DNAH5: variants seen among roughly 807,000 people sequenced by gnomAD.
DNAH5 encodes dynein axonemal heavy chain 5.
DNAH5 carries 372 observed loss-of-function variants against 518.2 expected under a neutral mutation model. That is an observed-to-expected ratio of 0.72 (90% CI 0.66 to 0.78). The LOEUF (loss-of-function observed/expected upper bound fraction) is 0.78, where lower values mean the gene tolerates loss of function less well. DNAH5 is among the 30% of genes least tolerant of loss of function. The pLI, the probability that DNAH5 is intolerant of heterozygous loss-of-function variation, is 0.00. For missense variants in DNAH5, 5,523 were observed against 5,687.0 expected, an observed-to-expected ratio of 0.97 and a Z score of 0.93; for synonymous variants, 2,039 against 2,025.9, an observed-to-expected ratio of 1.01 and a Z score of -0.17.
chr5:13,715,522 G>A (rs1036313476), intron 74 of DNAH5, among the ~76,000 whole-genome samples: 4 of 152,068 alleles, frequency 2.6e-5, no homozygotes, highest in African/African-American at 9.7e-5. Flanking sequence ...GTGCAGAGGC[G>A]GTAATATATG....
At chr5:13,945,089 G>A (rs960163008), upstream of DNAH5, among the ~76,000 whole-genome samples, 1 of 152,198 alleles carries the variant, frequency 6.6e-6, no homozygotes, top group Non-Finnish European at 1.5e-5. Context: ...TGTTTCATAT[G>A]CAAATAGCAA....
Position 13,776,690 on chromosome 5 carries a change from G to T in DNAH5, c.9122C>A (p.Ala3041Asp). The change falls in exon 55 of 79, where the codon GCT becomes GAT. Residue 3041 changes from alanine (A) to aspartate (D), a missense_variant. This residue lies in a region of DNAH5 where 5,121 missense variants were observed against 5,223.3 expected (regional missense o/e 0.98). Transcript: ENST00000265104. Reference sequence around the variant, plus strand: ...ATTAATTTCATCAATTTCATCTCGAGCAAATAGGTTAGAGACCTTAAAAAG... The same window carrying T: ...ATTAATTTCATCAATTTCATCTCGATCAAATAGGTTAGAGACCTTAAAAAG... ...LSSGEVSNLF[A>D]RDEIDEINSD... 1 of 1,613,614 alleles carries T rather than the reference G, an allele frequency of 6.2e-7. No homozygotes were observed. Among genetic ancestry groups the T allele is most frequent in the South Asian group, 1.1e-5 (1 of 91,074 alleles).
chr5:13,769,310 C>T (rs191857826), intron 57 of DNAH5, among the ~76,000 whole-genome samples, 174 bp from the exon 58 acceptor site: 8 of 147,532 alleles, frequency 5.4e-5, no homozygotes, highest in East Asian at 2.0e-4. Flanking sequence ...TGCAGTAGCG[C>T]GATCTTGGCT....
At chr5:13,737,625 T>C (rs969484050) in intron 65 of DNAH5, 130 bp from the exon 66 acceptor site, 5 of 1,034,004 alleles carry the variant, frequency 4.8e-6, no homozygotes, top group African/African-American at 1.6e-5. Flanking sequence ...GCAGGAAATA[T>C]GGACATCAAA....
intron 19 of DNAH5, 99 bp from the exon 20 acceptor site, chr5:13,883,193 T>A (rs377405582): frequency 1.1e-5 from 13 of 1,184,844 alleles, no homozygotes; most frequent in Middle Eastern, 2.2e-4. Context: ...ATAATAGGTA[T>A]AAAATCTAAT....
At chr5:13,943,059 C>T (rs1408114073) in intron 1 of DNAH5, among the ~76,000 whole-genome samples, 1 of 152,046 alleles carries the variant, frequency 6.6e-6, no homozygotes, top group Non-Finnish European at 1.5e-5. Context: ...ATAATTGAAA[C>T]CTCCAAAAGA....
At chr5:13,888,964 G>T (rs1480684768) in intron 17 of DNAH5, among the ~76,000 whole-genome samples, 1 of 152,130 alleles carries the variant, frequency 6.6e-6, no homozygotes, top group Non-Finnish European at 1.5e-5. Context: ...TATTCTGAAG[G>T]CACCATTAAA....
At chr5:13,863,914 T>C (rs1220496672) in intron 28 of DNAH5, among the ~76,000 whole-genome samples, 1 of 152,156 alleles carries the variant, frequency 6.6e-6, no homozygotes, top group Non-Finnish European at 1.5e-5. Flanking sequence ...TTCTTCTGGT[T>C]CCTCAAACAC....
intron 21 of DNAH5, among the ~76,000 whole-genome samples, chr5:13,880,905 CA>C (rs911938290): frequency 4.6e-5 from 7 of 151,576 alleles, no homozygotes; most frequent in South Asian, 2.1e-4. Context: ...TAAAAGACCA[CA>C]AAAAAAGACC....
At chr5:13,958,546 C>T (rs1780935920) in intron 1 of DNAH5, among the ~76,000 whole-genome samples, 1 of 152,086 alleles carries the variant, frequency 6.6e-6, no homozygotes, top group Non-Finnish European at 1.5e-5. Flanking sequence ...GGAATAGGTG[C>T]CTCAATATTA....
At chr5:13,860,105 G>A (rs1028124785) in intron 29 of DNAH5, among the ~76,000 whole-genome samples, 9 of 151,928 alleles carry the variant, frequency 5.9e-5, no homozygotes, top group Admixed American at 2.0e-4. Context: ...AACTTCCCAC[G>A]CACCTGTGTC....
At position 13,900,236 on chromosome 5, in the gene DNAH5, A is replaced by G. The variant is rs1445823; in HGVS notation, c.2229T>C (p.Asp743=). The G allele has an allele frequency of 0.47, 762,775 of 1,613,110 alleles. 186,553 individuals carry two copies. Among genetic ancestry groups the G allele is most frequent in the East Asian group, 0.87 (39,038 of 44,884 alleles). Residue 743 remains aspartate (D), a synonymous_variant, in exon 15 of 79, where the codon GAT becomes GAC. Coordinates refer to ENST00000265104, the MANE Select transcript of DNAH5 (RefSeq NM_001369.3). Reference sequence around the variant, plus strand: ...TGTTACTGAAGTTCCTTTTGTATCTATCTCGTTTCTGGAAGAGGGAAGTTG... The same window carrying G: ...TGTTACTGAAGTTCCTTTTGTATCTGTCTCGTTTCTGGAAGAGGGAAGTTG... ...PLATSLFQKR[D]RYKRNFSNMK... is the part of the protein sequence containing the mutation.
At chr5:13,735,689 T>G (rs552178646) in intron 67 of DNAH5, 129 bp downstream of exon 67, 2 of 825,016 alleles carry the variant, frequency 2.4e-6, no homozygotes, top group East Asian at 5.0e-5. Context: ...ACATTGGTAA[T>G]TACACTGATC....
intron 70 of DNAH5, among the ~76,000 whole-genome samples, chr5:13,726,741 A>T (rs966890982): frequency 6.6e-6 from 1 of 152,242 alleles, no homozygotes; most frequent in African/African-American, 2.4e-5. Context: ...TAGTTACTCC[A>T]TAAGTTTTTA....
At position 13,694,702 on chromosome 5, in the gene DNAH5, T is replaced by C. The variant is rs191865348; in HGVS notation, c.13724-2567A>G. On this transcript the variant is annotated intron_variant, in intron 78 of 78. Transcript: ENST00000265104. The stretch of plus-strand genomic sequence containing the variant: ...TTCCTTCCAACATCCAAAATAATCG[T>C]TACATAGAGAGTCTCTATAGAATCG... 3.3e-3 allele frequency among the ~76,000 whole-genome samples: 507 copies of C among 152,320 alleles called. 1 individual carries two copies. The highest frequency in any genetic ancestry group is 5.4e-3 in the Non-Finnish European group (367 of 68,036).
intron 16 of DNAH5, among the ~76,000 whole-genome samples, chr5:13,893,895 G>A (rs1177115408): frequency 6.8e-6 from 1 of 146,084 alleles, no homozygotes; most frequent in Non-Finnish European, 1.5e-5. Context: ...GAGGACAATA[G>A]CAATGTCTAA....
chr5:13,786,488 T>C (rs1256510919), intron 51 of DNAH5, 137 bp from the exon 52 acceptor site: 18 of 903,308 alleles, frequency 2.0e-5, no homozygotes, highest in Non-Finnish European at 1.0e-5. Flanking sequence ...GTGTGTATTT[T>C]GCAAAAACAG....
intron 3 of DNAH5, 77 bp downstream of exon 3, chr5:13,928,017 G>C: frequency 7.7e-7 from 1 of 1,293,460 alleles, no homozygotes; most frequent in Non-Finnish European, 1.1e-6. Flanking sequence ...CGTTCTCACA[G>C]TAGCTTTCTT....
At chr5:13,804,972 G>A (rs761295718) in intron 47 of DNAH5, among the ~76,000 whole-genome samples, 8 of 152,058 alleles carry the variant, frequency 5.3e-5, no homozygotes, top group Non-Finnish European at 5.9e-5. Flanking sequence ...TAACAAAAAC[G>A]CAATGACAAG....
Sources: allele counts gnomAD v4.1 joint callset (sites outside exome capture counted in the v4.1 genomes callset), GRCh38; gene constraint gnomAD v4.1.1; regional missense constraint gnomAD v4.1.1; transcripts MANE v1.5; gene names NCBI Gene and HGNC (gene_info 2026-07-23, HGNC 2026-07-21).